Variants in QSOX1 observed in about 807,000 individuals in gnomAD.
The protein encoded by QSOX1 is sulfhydryl oxidase 1.
In QSOX1, 40 loss-of-function variants were observed where a neutral mutation model predicts 76.1. The observed-to-expected ratio is 0.53, with a 90% CI of 0.41 to 0.68. The LOEUF is 0.68. Ranked by LOEUF, QSOX1 falls within the 30% of genes least tolerant of loss-of-function variation. QSOX1 has a pLI of 0.00. For missense variants in QSOX1, 931 were observed against 974.3 expected (o/e 0.96, Z 0.59); for synonymous variants, 392 against 413.1 (o/e 0.95, Z 0.62).
chr1:180,166,646 A>C, intron 2 of QSOX1, 55 bp downstream of exon 2: 2 of 1,510,374 alleles, frequency 1.3e-6, no homozygotes, highest in Non-Finnish European at 1.8e-6. Context: ...TTCCCTTTAT[A>C]AGGGAAAGGG....
chr1:180,155,278 C>T, intron 1 of QSOX1, 106 bp downstream of exon 1: 2 of 1,032,776 alleles, frequency 1.9e-6, no homozygotes, highest in Non-Finnish European at 2.6e-6. Context: ...TTCCAGTCAC[C>T]TCCGCCCACC....
In QSOX1 at chr1:180,202,625, A is replaced by G. The variant is rs776844302; in HGVS notation, c.*5588A>G. On this transcript the variant is annotated 3_prime_UTR_variant, in exon 12 of 12. Transcript: ENST00000367602. ...TGGGGGAAAATTCAGGTAAGATCTC[A>G]CCTTCATACCATATACCAAAATACA... 11 of 144,174 alleles carry G rather than the reference A, an allele frequency of 7.6e-5. No individual in the cohort carries two copies. The highest frequency in any genetic ancestry group is 1.1e-4 in the Non-Finnish European group (7 of 66,462). The allele number at this position is 144,174 out of a possible 1,614,324, so 8.9% of individuals were successfully genotyped here.
At position 180,198,805 on chromosome 1, in the gene QSOX1, C is replaced by T; in HGVS notation, c.*1768C>T. 1 of 221,260 alleles carries T rather than the reference C, an allele frequency of 4.5e-6. No homozygotes were observed. Among genetic ancestry groups the T allele is most frequent in the Non-Finnish European group, 9.2e-6 (1 of 108,320 alleles). The allele number at this position is 221,260 out of a possible 1,614,324, so 13.7% of individuals were successfully genotyped here. On this transcript the variant is annotated 3_prime_UTR_variant, in exon 12 of 12. Transcript: ENST00000367602. ...TGAGAGACAGACAGGAACCCACAAT[C>T]AGGAGGCAACCCTGGCCTGCAAGAG... is the stretch of plus-strand genomic sequence containing the variant.
At position 180,165,648 on chromosome 1, in the gene QSOX1, C is replaced by T. The variant is rs780822683; in HGVS notation, c.266-843C>T. Among the ~76,000 whole-genome samples the T allele has an allele frequency of 2.6e-5, 4 of 152,382 alleles. No individual in the cohort carries two copies. In the East Asian group the frequency reaches 5.8e-4, roughly 22 times the overall value. ...GATTTGGCCCCTGCCACTGCCCTCTCACGGCTTGTGTGTCTTCCTCTGTGC... is the reference window on the plus strand; with the variant it reads ...GATTTGGCCCCTGCCACTGCCCTCTTACGGCTTGTGTGTCTTCCTCTGTGC... On this transcript the variant is annotated intron_variant, in intron 1 of 11. Transcript: ENST00000367602.
chr1:180,184,127 T>G (rs1237653659), intron 7 of QSOX1, 77 bp downstream of exon 7: 2 of 1,498,600 alleles, frequency 1.3e-6, no homozygotes, highest in African/African-American at 2.8e-5. Flanking sequence ...ACCCACGCCC[T>G]CTTGCTCATT....
At chr1:180,182,826 G>C (rs564301766) in intron 6 of QSOX1, among the ~76,000 whole-genome samples, 2 of 152,246 alleles carry the variant, frequency 1.3e-5, no homozygotes, top group African/African-American at 4.8e-5. Context: ...AATGGCACCA[G>C]ATGGTGCCTT....
At chr1:180,186,302 C>T in intron 8 of QSOX1, 120 bp downstream of exon 8, 3 of 1,345,644 alleles carry the variant, frequency 2.2e-6, no homozygotes, top group African/African-American at 1.5e-5. Context: ...GGCTGGACAC[C>T]TGGACCCACA....
chr1:180,183,877 C>T (rs1355968835), intron 6 of QSOX1, 39 bp from the exon 7 acceptor site: 3 of 1,589,724 alleles, frequency 1.9e-6, no homozygotes, highest in African/African-American at 2.7e-5. Context: ...TTGTTCTCTG[C>T]ACTTACTGCC....
At chr1:180,176,604 C>T (rs183520825) in intron 4 of QSOX1, among the ~76,000 whole-genome samples, 1 of 152,260 alleles carries the variant, frequency 6.6e-6, no homozygotes, top group African/African-American at 2.4e-5. Context: ...TCCCAGCTTG[C>T]CTCTTTTCCA....
chr1:180,188,579 G>C (rs1663230925), intron 8 of QSOX1, among the ~76,000 whole-genome samples: 1 of 152,220 alleles, frequency 6.6e-6, no homozygotes. Flanking sequence ...GTCAAAGCGT[G>C]GTCTTTTCCG....
chr1:180,196,568 C>T lies in QSOX1; in HGVS notation c.1775C>T (p.Thr592Ile), dbSNP rs373356972. 6.2e-7 allele frequency: 1 copy of T among 1,614,208 alleles called. No homozygotes were observed. Among genetic ancestry groups the T allele is most frequent in the Admixed American group, 1.7e-5 (1 of 60,026 alleles). ...GAGATGATGAAGTCCCCCACAAACA[C>T]CACCCCACATGTGCCGGCTGAGGGA... Reference protein sequence around the residue: ...KPEMMKSPTNTTPHVPAEGPE... With the variant: ...KPEMMKSPTNITPHVPAEGPE... The change falls in exon 12 of 12, where the codon ACC (threonine) becomes ATC (isoleucine). Residue 592 changes from threonine to isoleucine, a missense_variant. Coordinates refer to ENST00000367602, the MANE Select transcript of QSOX1 (RefSeq NM_002826.5). The surrounding 1 kb of genome is among the most constrained non-coding windows in gnomAD (Gnocchi z 4.1).
chr1:180,202,691 A>AAAAAG lies in QSOX1; in HGVS notation c.*5654_*5655insAAAAG, dbSNP rs1553276278. On this transcript the variant is annotated 3_prime_UTR_variant, in exon 12 of 12. Coordinates refer to ENST00000367602, the MANE Select transcript of QSOX1 (RefSeq NM_002826.5). Reference sequence around the variant, plus strand: ...AAGCTAATGCAAAAAAAAAAAAAAAAGGGGAAATATAATTGAATACTTCAC... The same window carrying AAAAAG: ...AAGCTAATGCAAAAAAAAAAAAAAAAAAAAGGGGGAAATATAATTGAATACTTCAC... 1.3e-5 allele frequency: 2 copies of AAAAAG among 148,300 alleles called. No homozygotes were observed. Among genetic ancestry groups the AAAAAG allele is most frequent in the South Asian group, 2.1e-4 (1 of 4,652 alleles). The allele number at this position is 148,300 out of a possible 1,614,324, so 9.2% of individuals were successfully genotyped here. A position where few individuals can be genotyped will look rare whatever the true frequency, so the allele number is the denominator to read the frequency against.
Position 180,155,450 on chromosome 1 carries a change from C to T in QSOX1, c.265+278C>T, listed in dbSNP as rs979723591. Among the ~76,000 whole-genome samples, 17 of 152,226 alleles carry T rather than the reference C, an allele frequency of 1.1e-4. 1 individual carries two copies. The highest frequency in any genetic ancestry group is 1.1e-3 in the Admixed American group (17 of 15,292). On this transcript the variant is annotated intron_variant, in intron 1 of 11. Transcript: ENST00000367602. ...CCCTGCTCGCCCGGTTCGTCCCCCG[C>T]CAGGTTACTGCCTCCTTCCCTGCGA...
In QSOX1 at chr1:180,189,636, T is replaced by A. The variant is rs1663260086; in HGVS notation, c.1102T>A (p.Tyr368Asn). 1 of 1,612,748 alleles carries A rather than the reference T, an allele frequency of 6.2e-7. No homozygotes were observed. Among genetic ancestry groups the A allele is most frequent in the Non-Finnish European group, 8.5e-7 (1 of 1,179,122 alleles). The change falls in exon 9 of 12, where the codon TAC becomes AAC. Residue 368 changes from tyrosine (Y) to asparagine (N), a missense_variant. Transcript: ENST00000367602. ...GAGGCAGAAGAGAAATAAAATTCCC[T>A]ACAGTTTCTTTAAAACTGCCCTGGA... is the stretch of plus-strand genomic sequence containing the variant. ...LKRQKRNKIP[Y>N]SFFKTALDDR...
At chr1:180,175,177 A>G in intron 2 of QSOX1, 144 bp from the exon 3 acceptor site, 1 of 767,618 alleles carries the variant, frequency 1.3e-6, no homozygotes, top group Non-Finnish European at 2.2e-6. Context: ...AAAGAAAGAA[A>G]GAAAAAAGAA....
At chr1:180,193,949 G>A (rs1663390392) in intron 10 of QSOX1, among the ~76,000 whole-genome samples, 1 of 152,170 alleles carries the variant, frequency 6.6e-6, no homozygotes, top group African/African-American at 2.4e-5. Flanking sequence ...TCCTGGGTGT[G>A]AGTGACAGGC....
Position 180,175,998 on chromosome 1 carries a change from G to A in QSOX1, c.480G>A (p.Thr160=), listed in dbSNP as rs774219173. ...ACGCCCTGGAGTCCCATCATGACAC[G>A]TGGCCCCCAGCCTGTCCCCCACTGG... ...LIDALESHHD[T]WPPACPPLEP... is the part of the protein sequence containing the mutation. Residue 160 remains threonine, a synonymous_variant, in exon 4 of 12, where the codon ACG becomes ACA. Coordinates refer to ENST00000367602, the MANE Select transcript of QSOX1 (RefSeq NM_002826.5). 4 of 1,601,270 alleles carry A rather than the reference G, an allele frequency of 2.5e-6. No individual in the cohort carries two copies. The highest frequency in any genetic ancestry group is 2.7e-5 in the African/African-American group (2 of 74,968).
intron 2 of QSOX1, among the ~76,000 whole-genome samples, chr1:180,167,521 C>G (rs962156929): frequency 1.8e-4 from 27 of 152,156 alleles, no homozygotes; most frequent in African/African-American, 6.5e-4. Context: ...CTTAATTACC[C>G]CAGCAGCATC....
chr1:180,183,174 A>T (rs1049112378), intron 6 of QSOX1, among the ~76,000 whole-genome samples: 3 of 152,026 alleles, frequency 2.0e-5, no homozygotes, highest in Non-Finnish European at 4.4e-5. Context: ...CTCCCGAGCC[A>T]TCTGCTCACC....
Sources: gnomAD v4.1 joint callset for allele counts (sites outside exome capture counted in the v4.1 genomes callset) on GRCh38, gnomAD v4.1.1 for gene constraint, Gnocchi (gnomAD v3.1) non-coding constraint, MANE v1.5 for transcripts, NCBI Gene and HGNC (gene_info 2026-07-23, HGNC 2026-07-21) for gene names.